NBEAL1: variants seen among roughly 807,000 people sequenced by gnomAD.
The protein encoded by NBEAL1 is neurobeachin-like protein 1.
NBEAL1 carries 273 observed loss-of-function variants against 351.3 expected under a neutral mutation model. That is an observed-to-expected ratio of 0.78 (90% CI 0.70 to 0.86). The LOEUF (loss-of-function observed/expected upper bound fraction) is 0.86, where lower values mean the gene tolerates loss of function less well. NBEAL1 is among the 40% of genes least tolerant of loss of function. The pLI, the probability that NBEAL1 is intolerant of heterozygous loss-of-function variation, is 0.00. For missense variants in NBEAL1, 2,961 were observed against 3,201.3 expected (o/e 0.92, Z 1.81); for synonymous variants, 1,050 against 1,086.4 (o/e 0.97, Z 0.66).
intron 10 of NBEAL1, among the ~76,000 whole-genome samples, chr2:203,087,292 C>T (rs985443708): frequency 6.6e-6 from 1 of 151,574 alleles, no homozygotes; most frequent in East Asian, 1.9e-4. Flanking sequence ...GGGGTTTCAC[C>T]ACCTTGGCCA....
chr2:203,027,970 G>A (rs543715318), intron 2 of NBEAL1, among the ~76,000 whole-genome samples: 3 of 152,008 alleles, frequency 2.0e-5, no homozygotes, highest in Non-Finnish European at 2.9e-5. Context: ...TGCAGCCTCC[G>A]CCTCTGGGGT....
At chr2:203,070,677 AC>A (rs1484853157) in intron 7 of NBEAL1, among the ~76,000 whole-genome samples, 2 of 152,212 alleles carry the variant, frequency 1.3e-5, no homozygotes, top group Non-Finnish European at 2.9e-5. Flanking sequence ...GCTTTTACTT[AC>A]TGCAGAAGGC....
intron 55 of NBEAL1, among the ~76,000 whole-genome samples, chr2:203,215,185 G>A (rs1403711463): frequency 2.6e-5 from 4 of 151,922 alleles, no homozygotes; most frequent in Admixed American, 6.6e-5. Flanking sequence ...GTGAAACCCC[G>A]TCTCTACTAA....
chr2:203,102,569 T>C (rs886980500), intron 12 of NBEAL1, among the ~76,000 whole-genome samples: 1 of 152,216 alleles, frequency 6.6e-6, no homozygotes, highest in Non-Finnish European at 1.5e-5. Flanking sequence ...GATAATCTTG[T>C]GGTTTCTGTT....
chr2:203,053,045 G>T (rs889363407), intron 4 of NBEAL1, among the ~76,000 whole-genome samples: 1 of 152,126 alleles, frequency 6.6e-6, no homozygotes, highest in African/African-American at 2.4e-5. Context: ...AAAAACATCT[G>T]TGTGCAGATT....
chr2:203,124,827 C>T (rs2062903766), intron 19 of NBEAL1, among the ~76,000 whole-genome samples: 1 of 152,106 alleles, frequency 6.6e-6, no homozygotes. Context: ...AAACTGAAGC[C>T]AGTGATATTA....
intron 48 of NBEAL1, among the ~76,000 whole-genome samples, chr2:203,198,850 C>CT (rs2065311589): frequency 6.8e-6 from 1 of 146,216 alleles, no homozygotes; most frequent in Admixed American, 6.9e-5. Context: ...GAGCAAGACT[C>CT]TATCTCAAAA....
chr2:203,151,406 A>G (rs1341084607), intron 34 of NBEAL1, 59 bp from the exon 35 acceptor site: 2 of 1,282,988 alleles, frequency 1.6e-6, no homozygotes, highest in Non-Finnish European at 2.1e-6. Context: ...TATTTAAATC[A>G]AACAATCTTT....
intron 51 of NBEAL1, among the ~76,000 whole-genome samples, chr2:203,205,924 G>T (rs1298931015): frequency 6.6e-6 from 1 of 152,214 alleles, no homozygotes; most frequent in Non-Finnish European, 1.5e-5. Context: ...GGGAATTAAT[G>T]CACACCACAT....
intron 49 of NBEAL1, 28 bp from the exon 50 acceptor site, chr2:203,201,515 A>G (rs747433199): frequency 2.8e-5 from 41 of 1,481,176 alleles, no homozygotes; most frequent in Non-Finnish European, 3.7e-5. Context: ...CTTGTAAGGA[A>G]AAGTCTGATA....
chr2:203,199,261 C>T, intron 48 of NBEAL1, 77 bp from the exon 49 acceptor site: 2 of 775,338 alleles, frequency 2.6e-6, no homozygotes, highest in Non-Finnish European at 4.4e-6. Flanking sequence ...ATGCCAATGT[C>T]ATGTGAGCAT....
intron 2 of NBEAL1, among the ~76,000 whole-genome samples, chr2:203,039,836 A>AGGTAC (rs1393261110): frequency 1.3e-5 from 2 of 152,248 alleles, no homozygotes; most frequent in African/African-American, 4.8e-5. Flanking sequence ...CCACTATTTA[A>AGGTAC]GGTACTGGTG....
At position 203,112,999 on chromosome 2, in the gene NBEAL1, G is replaced by A. The variant is rs1318339532; in HGVS notation, c.2203-16G>A. On this transcript the variant is annotated splice_polypyrimidine_tract_variant and intron_variant, in intron 16 of 55. Transcript: ENST00000683969. ...TATGTTAATTAAAATTGTGTAATTT[G>A]TTTGTTTGTTTTTAGCCCTTTACTT... The A allele has an allele frequency of 2.8e-6, 4 of 1,422,140 alleles. No homozygotes were observed. The highest frequency in any genetic ancestry group is 3.7e-6 in the Non-Finnish European group (4 of 1,083,424). 88.1% of individuals were successfully genotyped at this position (1,422,140 alleles called of 1,614,324 possible).
intron 8 of NBEAL1, among the ~76,000 whole-genome samples, chr2:203,079,529 CCT>C (rs2061835662): frequency 1.3e-5 from 2 of 151,940 alleles, no homozygotes; most frequent in Admixed American, 1.3e-4. Context: ...TAATTCCCTC[CCT>C]CTGTTTCTTT....
chr2:203,174,887 A>G (rs978158725), intron 41 of NBEAL1, among the ~76,000 whole-genome samples: 16 of 151,424 alleles, frequency 1.1e-4, no homozygotes, highest in Admixed American at 1.1e-3. Context: ...ATAAATAAAT[A>G]AATAAATAAA....
At position 203,157,681 on chromosome 2, in the gene NBEAL1, AT is replaced by A; in HGVS notation, c.5588-14del. 1 of 1,551,664 alleles carries A rather than the reference AT, an allele frequency of 6.4e-7. No individual in the cohort carries two copies. On this transcript the variant is annotated splice_polypyrimidine_tract_variant and intron_variant, in intron 35 of 55. Transcript: ENST00000683969. ...GTTTTTTACTTTATGTTTAATAGAT[AT>A]TTTGTGTTTAAAACAGGTATCCAAC...
chr2:203,110,710 TAA>T (rs1559372878), intron 15 of NBEAL1, among the ~76,000 whole-genome samples: 10 of 147,692 alleles, frequency 6.8e-5, no homozygotes, highest in African/African-American at 2.5e-4. Flanking sequence ...AATAAATAAA[TAA>T]ATATATAGAA....
intron 46 of NBEAL1, among the ~76,000 whole-genome samples, chr2:203,192,341 A>C (rs2065115275): frequency 6.6e-6 from 1 of 151,870 alleles, no homozygotes; most frequent in Non-Finnish European, 1.5e-5. Flanking sequence ...TACAAAAATC[A>C]GCCTTTGATT....
Position 203,220,054 on chromosome 2 carries a change from A to G in NBEAL1, c.*2700A>G, listed in dbSNP as rs4547516. 0.89 allele frequency among the ~76,000 whole-genome samples: 135,458 copies of G among 152,192 alleles called. 61,253 individuals are homozygous for G. Among genetic ancestry groups the G allele is most frequent in the Non-Finnish European group, 0.96 (65,519 of 68,022 alleles). On this transcript the variant is annotated 3_prime_UTR_variant, in exon 56 of 56. Coordinates refer to ENST00000683969, the MANE Select transcript of NBEAL1 (RefSeq NM_001378026.1). ...ATAATTGGAAAGAAGTACTTTTGAG[A>G]ATTCTGGTATATTTAGATGTTACCC...
Sources: allele counts gnomAD v4.1 joint callset (sites outside exome capture counted in the v4.1 genomes callset), GRCh38; gene constraint gnomAD v4.1.1; transcripts MANE v1.5; gene names NCBI Gene and HGNC (gene_info 2026-07-23, HGNC 2026-07-21).